The following KIF1B variants were observed in gnomAD, a reference collection of about 807,000 sequenced individuals.
KIF1B encodes kinesin family member 1B.
KIF1B carries 76 observed loss-of-function variants against 241.9 expected under a neutral mutation model. The ratio of observed to expected loss-of-function variants is 0.31; its 90% CI spans 0.26 to 0.38. KIF1B has a LOEUF of 0.38. Among genes scored for constraint, KIF1B ranks in the 10% least tolerant of loss-of-function variants. The probability of loss-of-function intolerance (pLI) is 1.00; values close to 1 mark genes in which losing one functional copy is unlikely to be tolerated. For missense variants in KIF1B, 1,622 were observed against 2,271.4 expected (o/e 0.71, Z 5.81); for synonymous variants, 750 against 796.7 (o/e 0.94, Z 0.99).
chr1:10,365,360 G>A lies in KIF1B; in HGVS notation c.4513-49G>A. 2 of 1,614,070 alleles carry A rather than the reference G, an allele frequency of 1.2e-6. No individual in the cohort carries two copies. Among genetic ancestry groups the A allele is most frequent in the Middle Eastern group, 1.6e-4 (1 of 6,062 alleles). On this transcript the variant is annotated intron_variant, in intron 42 of 48. Coordinates refer to ENST00000676179, the MANE Select transcript of KIF1B (RefSeq NM_001365951.3). The surrounding 1 kb of genome is among the most constrained non-coding windows in gnomAD (Gnocchi z 4.0). ...TAGCTTTTCACTTTTCTCTCCTGAG[G>A]TCTTAACGAGCTTTGTGTTTGCTAT...
chr1:10,303,802 A>C lies in KIF1B; in HGVS notation c.2115+6556A>C. The C allele has an allele frequency of 1.2e-6, 2 of 1,614,248 alleles. No homozygotes were observed. Among genetic ancestry groups the C allele is most frequent in the Non-Finnish European group, 1.7e-6 (2 of 1,180,040 alleles). On this transcript the variant is annotated intron_variant, in intron 22 of 48. Coordinates refer to ENST00000676179, the MANE Select transcript of KIF1B (RefSeq NM_001365951.3). The surrounding 1 kb of genome is among the most constrained non-coding windows in gnomAD (Gnocchi z 5.2). ...GGAACAGAAAAGCCCAGGAAGCCACAAAGCAAAGGAGCCTGTTGGTGCTGG... is the reference window on the plus strand; with the variant it reads ...GGAACAGAAAAGCCCAGGAAGCCACCAAGCAAAGGAGCCTGTTGGTGCTGG...
chr1:10,342,058 G>A lies in KIF1B; in HGVS notation c.3522G>A (p.Val1174=), dbSNP rs1652417030. 3.8e-6 allele frequency: 6 copies of A among 1,598,672 alleles called. No individual in the cohort carries two copies. Among genetic ancestry groups the A allele is most frequent in the South Asian group, 1.1e-5 (1 of 90,708 alleles). The change falls in exon 33 of 49, where the codon GTG becomes GTA. Residue 1174 remains valine, a synonymous_variant. Transcript: ENST00000676179. ...ATCTTGCTTGGCTTTAGATTGCAGT[G>A]GAGATCACTGAATCATTTGTGGATT... ...LAFYHVQNIA[V]EITESFVDYI...
rs1159193467 is a variant in KIF1B, at chr1:10,254,876, CAAAAAAAAAAAA to C, written c.107-1358_107-1347del. 1.1e-4 allele frequency among the ~76,000 whole-genome samples: 4 copies of C among 36,646 alleles called. No homozygotes were observed. The South Asian group carries it at 3.6e-3, about 33-fold the overall frequency. 24.0% of individuals were successfully genotyped at this position (36,646 alleles called of 152,430 possible). A position where few individuals can be genotyped will look rare whatever the true frequency, so the allele number is the denominator to read the frequency against. ...AGGGCGACAGAGGGAGACTCTGTCTCAAAAAAAAAAAAAAAAAAAAAAAAGCTGCTTTCAAAT... is the reference window on the plus strand; with the variant it reads ...AGGGCGACAGAGGGAGACTCTGTCTCAAAAAAAAAAAAGCTGCTTTCAAAT... On this transcript the variant is annotated intron_variant, in intron 2 of 48. Coordinates refer to ENST00000676179, the MANE Select transcript of KIF1B (RefSeq NM_001365951.3).
chr1:10,361,852 CA>C (rs1216503008), intron 40 of KIF1B, 27 bp downstream of exon 40: 3 of 1,611,934 alleles, frequency 1.9e-6, no homozygotes, highest in Non-Finnish European at 1.7e-6. Context: ...AGTTAGCTTC[CA>C]GTGTGTTTGT....
In KIF1B at chr1:10,303,016, GGTTTT is replaced by G. The variant is rs1270690419; in HGVS notation, c.2115+5781_2115+5785del. The G allele has an allele frequency of 2.2e-5, 19 of 870,704 alleles. No individual in the cohort carries two copies. Among genetic ancestry groups the G allele is most frequent in the East Asian group, 1.6e-4 (6 of 37,546 alleles). 53.9% of individuals were successfully genotyped at this position (870,704 alleles called of 1,614,324 possible). On this transcript the variant is annotated intron_variant, in intron 22 of 48. Transcript: ENST00000676179. The surrounding 1 kb of genome is among the most constrained non-coding windows in gnomAD (Gnocchi z 5.2). ...TCCACATTATTGAGGGGTTTTTTTT[GGTTTT>G]GTTTTGTTTTTTAGTTTTTTTGGTC... is the stretch of plus-strand genomic sequence containing the variant.
At chr1:10,342,500 C>T (rs1382570598) in intron 33 of KIF1B, among the ~76,000 whole-genome samples, 1 of 152,192 alleles carries the variant, frequency 6.6e-6, no homozygotes, top group Non-Finnish European at 1.5e-5. Flanking sequence ...AACAGAAGCT[C>T]TAAGTACAGT....
intron 40 of KIF1B, 75 bp downstream of exon 40, chr1:10,361,900 G>A (rs757871828): frequency 1.7e-5 from 26 of 1,534,916 alleles, no homozygotes; most frequent in Admixed American, 8.3e-5. Flanking sequence ...AAGTATTCTC[G>A]GCTTACTGTC....
intron 37 of KIF1B, among the ~76,000 whole-genome samples, chr1:10,350,647 A>G (rs145831048): frequency 2.1e-4 from 32 of 152,350 alleles, no homozygotes; most frequent in Admixed American, 1.1e-3. Flanking sequence ...GTACTGGCCA[A>G]TTCTTCTGTG....
chr1:10,263,779 G>C (rs894596601), intron 5 of KIF1B, among the ~76,000 whole-genome samples: 15 of 152,184 alleles, frequency 9.9e-5, no homozygotes, highest in African/African-American at 3.6e-4. Context: ...TTGTATTAGA[G>C]TTTCCAGGCT....
chr1:10,324,348 T>C (rs552110253), intron 25 of KIF1B, among the ~76,000 whole-genome samples: 2 of 152,380 alleles, frequency 1.3e-5, no homozygotes, highest in African/African-American at 4.8e-5. Flanking sequence ...GTTACAGATT[T>C]GGAACTTATT....
chr1:10,211,154 C>G (rs985005445), intron 1 of KIF1B, among the ~76,000 whole-genome samples: 4 of 152,208 alleles, frequency 2.6e-5, no homozygotes, highest in Admixed American at 2.0e-4. Context: ...CCCGGCTGTG[C>G]CCAGCGCTCT....
chr1:10,334,311 C>A (rs1473458015), intron 27 of KIF1B, among the ~76,000 whole-genome samples: 1 of 152,126 alleles, frequency 6.6e-6, no homozygotes, highest in Non-Finnish European at 1.5e-5. Flanking sequence ...TGTTGGTCTT[C>A]GTCAACAGTT....
chr1:10,353,367 A>G (rs1652866733), intron 38 of KIF1B, among the ~76,000 whole-genome samples: 1 of 152,232 alleles, frequency 6.6e-6, no homozygotes, highest in Non-Finnish European at 1.5e-5. Flanking sequence ...TAATCAGGTG[A>G]TAACAGACAG....
rs375480819 is a variant in KIF1B at position 10,320,847 on chromosome 1, A to T, written c.2209+711A>T. Among the ~76,000 whole-genome samples, 42 of 151,894 alleles carry T rather than the reference A, an allele frequency of 2.8e-4. 1 individual carries two copies. The South Asian group carries it at 8.7e-3, about 32-fold the overall frequency. ...CTCCTAAGTAGTTGGGATTACAGGG[A>T]TGCGCCACCATGCCCAGCTAATTTT... On this transcript the variant is annotated intron_variant, in intron 23 of 48. Coordinates refer to ENST00000676179, the MANE Select transcript of KIF1B (RefSeq NM_001365951.3).
intron 22 of KIF1B, chr1:10,306,704 C>A: frequency 1.2e-6 from 1 of 854,624 alleles, no homozygotes; most frequent in Non-Finnish European, 1.4e-6. Flanking sequence ...TGGGATCTTG[C>A]CTATGAATAG....
chr1:10,297,728 A>G (rs1279704254), intron 22 of KIF1B, among the ~76,000 whole-genome samples: 12 of 151,852 alleles, frequency 7.9e-5, no homozygotes, highest in Admixed American at 7.2e-4. Context: ...AACTGTGTCT[A>G]AAAGTGTTGC....
chr1:10,242,841 CAT>C (rs1647156951), intron 2 of KIF1B, among the ~76,000 whole-genome samples: 1 of 152,046 alleles, frequency 6.6e-6, no homozygotes, highest in South Asian at 2.1e-4. Context: ...TGGGACCACT[CAT>C]ATATGTGGAC....
chr1:10,279,785 C>T (rs1196095228), intron 14 of KIF1B, among the ~76,000 whole-genome samples: 1 of 139,950 alleles, frequency 7.1e-6, no homozygotes, highest in African/African-American at 2.6e-5. Context: ...TAACCTTGAA[C>T]TCTTGGGCTC....
At chr1:10,259,037 T>C (rs566365200) in intron 4 of KIF1B, among the ~76,000 whole-genome samples, 111 of 152,324 alleles carry the variant, frequency 7.3e-4, no homozygotes, top group Middle Eastern at 3.4e-3. Context: ...ATAGATTACC[T>C]CTGAAGAATG....
Sources: gnomAD v4.1 joint callset for allele counts (sites outside exome capture counted in the v4.1 genomes callset) on GRCh38, gnomAD v4.1.1 for gene constraint, Gnocchi (gnomAD v3.1) non-coding constraint, MANE v1.5 for transcripts, NCBI Gene and HGNC (gene_info 2026-07-23, HGNC 2026-07-21) for gene names.